The following FBXL7 variants were observed in gnomAD, a reference collection of about 807,000 sequenced individuals.
FBXL7 encodes the protein F-box/LRR-repeat protein 7.
In FBXL7, 12 loss-of-function variants were observed where a neutral mutation model predicts 38.3. The observed-to-expected ratio is 0.31, with a 90% CI of 0.20 to 0.51. FBXL7 has a LOEUF of 0.51. Ranked by LOEUF, FBXL7 falls within the 20% of genes least tolerant of loss-of-function variation. The pLI, the probability that FBXL7 is intolerant of heterozygous loss-of-function variation, is 0.98. For synonymous variants in FBXL7, 297 were observed against 300.9 expected, an observed-to-expected ratio of 0.99 and a Z score of 0.13; for missense variants, 567 against 676.4, an observed-to-expected ratio of 0.84 and a Z score of 1.79.
intron 1 of FBXL7, among the ~76,000 whole-genome samples, chr5:15,504,895 T>C (rs1238498060): frequency 6.6e-6 from 1 of 152,210 alleles, no homozygotes; most frequent in Non-Finnish European, 1.5e-5. Flanking sequence ...GTCTTGTTTA[T>C]TCTGCTTCAG....
At chr5:15,821,915 C>T (rs1171324097) in intron 2 of FBXL7, among the ~76,000 whole-genome samples, 1 of 152,100 alleles carries the variant, frequency 6.6e-6, no homozygotes, top group Non-Finnish European at 1.5e-5. Flanking sequence ...CAAAGAACTG[C>T]CAAGCTCCCA....
At chr5:15,560,385 G>A (rs1488154669) in intron 1 of FBXL7, among the ~76,000 whole-genome samples, 1 of 152,132 alleles carries the variant, frequency 6.6e-6, no homozygotes, top group African/African-American at 2.4e-5. Flanking sequence ...CATAAATCAA[G>A]TGATGCTTGG....
intron 1 of FBXL7, among the ~76,000 whole-genome samples, chr5:15,547,529 A>C (rs1397141298): frequency 6.6e-6 from 1 of 152,144 alleles, no homozygotes; most frequent in African/African-American, 2.4e-5. Context: ...AGTTAGAGAG[A>C]GGCAGCCAGG....
At chr5:15,680,620 T>A (rs765117040) in intron 2 of FBXL7, among the ~76,000 whole-genome samples, 2 of 152,128 alleles carry the variant, frequency 1.3e-5, no homozygotes, top group Non-Finnish European at 2.9e-5. Flanking sequence ...CAGAAATAAT[T>A]AGGCAGATAA....
rs564536327 is a variant in FBXL7 at position 15,931,232 on chromosome 5, A to G, written c.739+2731A>G. Among the ~76,000 whole-genome samples the G allele has an allele frequency of 2.4e-4, 37 of 152,394 alleles. 1 individual carries two copies. In the East Asian group the frequency reaches 6.7e-3, roughly 28 times the overall value. On this transcript the variant is annotated intron_variant, in intron 3 of 3. Transcript: ENST00000504595. The stretch of plus-strand genomic sequence containing the variant: ...ATTGCAATAACGAGAGGAAGTGGTA[A>G]TAAAGAACATATTTGTGAAAGCTGT...
At chr5:15,786,555 T>G (rs1216311606) in intron 2 of FBXL7, among the ~76,000 whole-genome samples, 1 of 152,202 alleles carries the variant, frequency 6.6e-6, no homozygotes, top group African/African-American at 2.4e-5. Flanking sequence ...GGAGGCTCAT[T>G]CAATGTAGAA....
chr5:15,713,161 G>A (rs771941824), intron 2 of FBXL7, among the ~76,000 whole-genome samples: 1 of 152,202 alleles, frequency 6.6e-6, no homozygotes, highest in Non-Finnish European at 1.5e-5. Flanking sequence ...CGTGGCTGGG[G>A]AGGTCTCACA....
chr5:15,760,990 A>G (rs1054037462), intron 2 of FBXL7, among the ~76,000 whole-genome samples: 1 of 152,190 alleles, frequency 6.6e-6, no homozygotes, highest in African/African-American at 2.4e-5. Flanking sequence ...AAGTTAGACA[A>G]TTACACGAAT....
intron 1 of FBXL7, among the ~76,000 whole-genome samples, chr5:15,579,627 A>T (rs980495648): frequency 5.3e-5 from 8 of 152,252 alleles, no homozygotes; most frequent in African/African-American, 1.9e-4. Flanking sequence ...CAACCTTAAA[A>T]GTTAGTGACT....
At chr5:15,898,021 T>A (rs552917769) in intron 2 of FBXL7, among the ~76,000 whole-genome samples, 1 of 152,322 alleles carries the variant, frequency 6.6e-6, no homozygotes, top group African/African-American at 2.4e-5. Context: ...GTGATGTATA[T>A]AGCCAGAGTT....
intron 2 of FBXL7, among the ~76,000 whole-genome samples, chr5:15,816,506 G>A (rs1738018720): frequency 6.6e-6 from 1 of 152,074 alleles, no homozygotes; most frequent in Non-Finnish European, 1.5e-5. Flanking sequence ...AGGTGAAGTG[G>A]GGAAGGGTTA....
intron 1 of FBXL7, among the ~76,000 whole-genome samples, chr5:15,524,580 G>T (rs924845011): frequency 6.6e-6 from 1 of 152,140 alleles, no homozygotes; most frequent in Admixed American, 6.5e-5. Flanking sequence ...AAAGTGTTGG[G>T]ATACACTTTA....
chr5:15,639,888 G>T (rs949239052), intron 2 of FBXL7, among the ~76,000 whole-genome samples: 1 of 152,122 alleles, frequency 6.6e-6, no homozygotes, highest in African/African-American at 2.4e-5. Context: ...GAGTTCTATT[G>T]TTCTTGCTTC....
chr5:15,511,801 C>T (rs975149436), intron 1 of FBXL7, among the ~76,000 whole-genome samples: 1 of 152,170 alleles, frequency 6.6e-6, no homozygotes, highest in Non-Finnish European at 1.5e-5. Context: ...ATCCTTTCAT[C>T]ACTTTTGCAG....
intron 2 of FBXL7, among the ~76,000 whole-genome samples, chr5:15,702,835 G>T (rs941713991): frequency 6.6e-6 from 1 of 152,088 alleles, no homozygotes; most frequent in Admixed American, 6.5e-5. Context: ...CGAAAAGAGA[G>T]TCAGCCAAGG....
intron 2 of FBXL7, among the ~76,000 whole-genome samples, chr5:15,774,555 G>A (rs1736812660): frequency 6.6e-6 from 1 of 152,136 alleles, no homozygotes; most frequent in South Asian, 2.1e-4. Flanking sequence ...TTTGAGAGTG[G>A]CATATTCCCA....
chr5:15,535,141 C>T (rs1018719787), intron 1 of FBXL7, among the ~76,000 whole-genome samples: 20 of 152,254 alleles, frequency 1.3e-4, no homozygotes, highest in African/African-American at 4.6e-4. Flanking sequence ...CTTGAGGCCT[C>T]CCAAGGCATG....
At chr5:15,798,066 T>C (rs760270583) in intron 2 of FBXL7, among the ~76,000 whole-genome samples, 6 of 152,146 alleles carry the variant, frequency 3.9e-5, no homozygotes, top group Non-Finnish European at 7.3e-5. Flanking sequence ...GAGGGAGGAA[T>C]AACACAAAAT....
intron 1 of FBXL7, among the ~76,000 whole-genome samples, chr5:15,582,666 T>G (rs1739178546): frequency 6.6e-6 from 1 of 152,214 alleles, no homozygotes; most frequent in Admixed American, 6.5e-5. Flanking sequence ...ACCTTTAGAA[T>G]GTGTGCAGTT....
Sources: allele counts gnomAD v4.1 joint callset (sites outside exome capture counted in the v4.1 genomes callset), GRCh38; gene constraint gnomAD v4.1.1; transcripts MANE v1.5; gene names NCBI Gene and HGNC (gene_info 2026-07-23, HGNC 2026-07-21).